Variants in SLC25A21 observed in about 807,000 individuals in gnomAD.
SLC25A21 encodes the protein solute carrier family 25 member 21, also known as mitochondrial 2-oxodicarboxylate carrier.
In SLC25A21, 47 loss-of-function variants were observed where a neutral mutation model predicts 43.8. The ratio of observed to expected loss-of-function variants is 1.07; its 90% CI spans 0.85 to 1.37. SLC25A21 has a LOEUF of 1.37. Ranked by LOEUF, SLC25A21 falls within the 40% of genes most tolerant of loss-of-function variation. SLC25A21 has a pLI of 0.00. For missense variants in SLC25A21, 352 were observed against 350.2 expected, an observed-to-expected ratio of 1.00 and a Z score of -0.04; for synonymous variants, 131 against 121.3, an observed-to-expected ratio of 1.08 and a Z score of -0.52.
At chr14:37,075,000 T>C (rs1962251598) in intron 1 of SLC25A21, among the ~76,000 whole-genome samples, 3 of 152,166 alleles carry the variant, frequency 2.0e-5, no homozygotes, top group South Asian at 2.1e-4. Flanking sequence ...GAAAGCATCA[T>C]TGTTAATTAC....
chr14:36,758,991 C>T (rs1053332936), intron 3 of SLC25A21, among the ~76,000 whole-genome samples: 29 of 152,176 alleles, frequency 1.9e-4, no homozygotes, highest in Non-Finnish European at 3.2e-4. Context: ...AACCCAGAGA[C>T]ACATGGGCAT....
intron 3 of SLC25A21, among the ~76,000 whole-genome samples, chr14:36,773,975 T>A (rs1036188778): frequency 2.0e-5 from 3 of 152,236 alleles, no homozygotes; most frequent in Non-Finnish European, 4.4e-5. Flanking sequence ...GATGGACATT[T>A]GTAGATGTCT....
At chr14:36,739,476 G>A (rs543661974) in intron 3 of SLC25A21, among the ~76,000 whole-genome samples, 11 of 152,128 alleles carry the variant, frequency 7.2e-5, no homozygotes, top group African/African-American at 2.7e-4. Flanking sequence ...TCAGGAGTTC[G>A]AGACCAGTCT....
chr14:36,850,831 T>G (rs1345687088), intron 2 of SLC25A21, among the ~76,000 whole-genome samples: 1 of 152,196 alleles, frequency 6.6e-6, no homozygotes, highest in African/African-American at 2.4e-5. Flanking sequence ...GTCTTGATTA[T>G]GCTCCGTCCA....
chr14:36,993,795 G>C (rs1213704624), intron 1 of SLC25A21, among the ~76,000 whole-genome samples: 3 of 152,132 alleles, frequency 2.0e-5, no homozygotes, highest in African/African-American at 4.8e-5. Context: ...TATAAGGAGG[G>C]AAAGGAACAC....
At chr14:36,793,347 A>C (rs1332814369) in intron 3 of SLC25A21, among the ~76,000 whole-genome samples, 1 of 152,162 alleles carries the variant, frequency 6.6e-6, no homozygotes, top group Non-Finnish European at 1.5e-5. Flanking sequence ...AAAATACGGA[A>C]ACACATGAAT....
chr14:37,104,821 T>G (rs546846140), intron 1 of SLC25A21, among the ~76,000 whole-genome samples: 1 of 152,220 alleles, frequency 6.6e-6, no homozygotes, highest in Non-Finnish European at 1.5e-5. Flanking sequence ...ACCATTAGTC[T>G]TCCACTTACT....
chr14:36,715,564 G>A (rs1884090545), intron 6 of SLC25A21, among the ~76,000 whole-genome samples: 4 of 152,192 alleles, frequency 2.6e-5, no homozygotes, highest in Admixed American at 2.0e-4. Flanking sequence ...GTTACCAATT[G>A]TGGGCCAAAT....
At chr14:36,823,194 G>A (rs13353117) in intron 2 of SLC25A21, among the ~76,000 whole-genome samples, 14,650 of 152,040 alleles carry the variant, frequency 0.096, 1,027 homozygotes, top group East Asian at 0.31. Context: ...TAACAAGTCA[G>A]AGGCAAATGA....
At chr14:36,877,698 C>T (rs114470820) in intron 1 of SLC25A21, among the ~76,000 whole-genome samples, 1,586 of 151,874 alleles carry the variant, frequency 0.01, 33 homozygotes, top group African/African-American at 0.036. Flanking sequence ...AGACAGAGGA[C>T]AGCATGAGCA....
At chr14:37,065,957 A>T (rs2138818470) in intron 1 of SLC25A21, among the ~76,000 whole-genome samples, 1 of 152,336 alleles carries the variant, frequency 6.6e-6, no homozygotes, top group African/African-American at 2.4e-5. Context: ...AAATTTAATC[A>T]GGCAAGGATC....
intron 3 of SLC25A21, among the ~76,000 whole-genome samples, chr14:36,804,997 T>C (rs1342589194): frequency 2.0e-5 from 3 of 152,188 alleles, no homozygotes; most frequent in Non-Finnish European, 4.4e-5. Context: ...ATATCCCCCA[T>C]TGGCTATGGA....
At chr14:36,975,190 A>G (rs180994332) in intron 1 of SLC25A21, among the ~76,000 whole-genome samples, 196 of 152,288 alleles carry the variant, frequency 1.3e-3, no homozygotes, top group African/African-American at 3.9e-3. Context: ...ATGATGTCAA[A>G]GAAGAAACAC....
chr14:36,880,936 A>C (rs1890701419), intron 1 of SLC25A21, among the ~76,000 whole-genome samples: 1 of 152,218 alleles, frequency 6.6e-6, no homozygotes, highest in East Asian at 1.9e-4. Flanking sequence ...CTGACGCTGC[A>C]ACAAGGATGC....
At chr14:36,694,024 T>C (rs1882906462) in intron 7 of SLC25A21, among the ~76,000 whole-genome samples, 1 of 152,184 alleles carries the variant, frequency 6.6e-6, no homozygotes, top group Non-Finnish European at 1.5e-5. Context: ...CAACTCATCA[T>C]TTACATTAGG....
intron 1 of SLC25A21, among the ~76,000 whole-genome samples, chr14:37,020,202 T>C (rs1269223793): frequency 2.0e-5 from 3 of 151,874 alleles, no homozygotes; most frequent in Non-Finnish European, 2.9e-5. Context: ...GCAGAGCTAT[T>C]TGCCCTAAAT....
Position 37,151,886 on chromosome 14 carries a change from T to C in SLC25A21, c.70+20395A>G, listed in dbSNP as rs143916138. ...CCTGTCTCTACTAAAAATACAAATATTAGCTGGGCAGGGTGGCATGTGCCT... is the reference window on the plus strand; with the variant it reads ...CCTGTCTCTACTAAAAATACAAATACTAGCTGGGCAGGGTGGCATGTGCCT... On this transcript the variant is annotated intron_variant, in intron 1 of 9. Transcript: ENST00000331299. Among the ~76,000 whole-genome samples, 835 of 152,056 alleles carry C rather than the reference T, an allele frequency of 5.5e-3. 9 individuals are homozygous for C. The highest frequency in any genetic ancestry group is 0.02 in the African/African-American group (810 of 41,480).
rs760615551 is a variant in SLC25A21 at position 37,064,893 on chromosome 14, C to A, written c.70+107388G>T. ...AGTATAGAACATTGGGAAGGCAGAT[C>A]TGCTTTCATCCCTTCCTTTGACACA... On this transcript the variant is annotated intron_variant, in intron 1 of 9. Transcript: ENST00000331299. Among the ~76,000 whole-genome samples, 3 of 152,290 alleles carry A rather than the reference C, an allele frequency of 2.0e-5. No individual in the cohort carries two copies. The East Asian group carries it at 5.8e-4, about 29-fold the overall frequency.
intron 1 of SLC25A21, among the ~76,000 whole-genome samples, chr14:36,888,080 A>C (rs1285961974): frequency 6.6e-6 from 1 of 152,116 alleles, no homozygotes; most frequent in African/African-American, 2.4e-5. Context: ...TATAAATCAC[A>C]GTTTTTGTTT....
Sources: allele counts gnomAD v4.1 joint callset (sites outside exome capture counted in the v4.1 genomes callset), GRCh38; gene constraint gnomAD v4.1.1; transcripts MANE v1.5; gene names NCBI Gene and HGNC (gene_info 2026-07-23, HGNC 2026-07-21).